SUPT3H: variants seen among roughly 807,000 people sequenced by gnomAD.
SUPT3H encodes SPT3 homolog, SAGA and STAGA complex component, also known as transcription initiation protein SPT3 homolog.
SUPT3H carries 44 observed loss-of-function variants against 44.3 expected under a neutral mutation model. The observed-to-expected ratio is 0.99, with a 90% CI of 0.78 to 1.28. The LOEUF is 1.28. Among genes scored for constraint, SUPT3H ranks in the 50% most tolerant of loss-of-function variants. SUPT3H has a pLI of 0.00. For missense variants in SUPT3H, 380 were observed against 387.1 expected (o/e 0.98, Z 0.15); for synonymous variants, 124 against 125.6 (o/e 0.99, Z 0.09).
At chr6:45,288,063 T>G (rs1008884097) in intron 2 of SUPT3H, among the ~76,000 whole-genome samples, 12 of 152,166 alleles carry the variant, frequency 7.9e-5, no homozygotes, top group Non-Finnish European at 1.2e-4. Flanking sequence ...TTGATGCACC[T>G]ATTTCTTACT....
intron 2 of SUPT3H, among the ~76,000 whole-genome samples, chr6:45,157,304 C>G (rs1171706515): frequency 6.6e-6 from 1 of 151,786 alleles, no homozygotes; most frequent in Non-Finnish European, 1.5e-5. Context: ...GAACCAACCT[C>G]CAAAAATCAA....
chr6:44,992,342 A>G (rs116732074), intron 6 of SUPT3H, among the ~76,000 whole-genome samples: 2,672 of 152,294 alleles, frequency 0.018, 52 homozygotes, highest in South Asian at 0.086. Context: ...AGGCAAGACT[A>G]AAAACAGCAG....
intron 2 of SUPT3H, among the ~76,000 whole-genome samples, chr6:45,275,661 A>T (rs1449479086): frequency 6.6e-6 from 1 of 152,194 alleles, no homozygotes; most frequent in Non-Finnish European, 1.5e-5. Context: ...AGTTAATAGT[A>T]TGATAAAACA....
chr6:45,342,015 G>A (rs1418890650), intron 2 of SUPT3H, among the ~76,000 whole-genome samples: 1 of 151,900 alleles, frequency 6.6e-6, no homozygotes, highest in Non-Finnish European at 1.5e-5. Context: ...AAAAAACGGA[G>A]ACTGGACTGA....
intron 2 of SUPT3H, among the ~76,000 whole-genome samples, chr6:45,263,595 C>T (rs1287923905): frequency 6.6e-6 from 1 of 151,984 alleles, no homozygotes; most frequent in Non-Finnish European, 1.5e-5. Context: ...GCAATTTACC[C>T]ACGTAACAAA....
At chr6:45,278,679 A>G (rs1777430580) in intron 2 of SUPT3H, among the ~76,000 whole-genome samples, 1 of 152,238 alleles carries the variant, frequency 6.6e-6, no homozygotes, top group East Asian at 1.9e-4. Context: ...ATTGCAAAAG[A>G]ATTAATGATT....
At chr6:45,349,899 C>G (rs1791666309) in intron 2 of SUPT3H, among the ~76,000 whole-genome samples, 1 of 152,068 alleles carries the variant, frequency 6.6e-6, no homozygotes, top group Non-Finnish European at 1.5e-5. Flanking sequence ...ATAAAAAGAT[C>G]TTTGCTTCAG....
chr6:45,265,609 T>C (rs1333640988), intron 2 of SUPT3H, among the ~76,000 whole-genome samples: 1 of 152,116 alleles, frequency 6.6e-6, no homozygotes, highest in Admixed American at 6.6e-5. Context: ...CTAGTACTTT[T>C]GAAAAATCCT....
At chr6:45,245,811 T>G (rs892316607) in intron 2 of SUPT3H, among the ~76,000 whole-genome samples, 1 of 152,118 alleles carries the variant, frequency 6.6e-6, no homozygotes, top group African/African-American at 2.4e-5. Flanking sequence ...AGAAATACAA[T>G]AGCTGGATCA....
chr6:44,839,391 A>G (rs1481383602), intron 10 of SUPT3H, among the ~76,000 whole-genome samples: 1 of 151,634 alleles, frequency 6.6e-6, no homozygotes, highest in Non-Finnish European at 1.5e-5. Flanking sequence ...ATGAAGCCCC[A>G]ATCTCCCACA....
chr6:44,950,026 A>C (rs1774035704), intron 9 of SUPT3H, among the ~76,000 whole-genome samples: 1 of 152,230 alleles, frequency 6.6e-6, no homozygotes, highest in Non-Finnish European at 1.5e-5. Flanking sequence ...GAAACTGGTG[A>C]CAGTCCAGAT....
In SUPT3H at chr6:44,953,370, T is replaced by C; in HGVS notation, c.741A>G (p.Ala247=). Residue 247 remains alanine (A), a synonymous_variant, in exon 9 of 11, where the codon GCA becomes GCG. Transcript: ENST00000371459. ...LLVRQDMVTK[A]GDPFSHAISA... ...AAATGGCATGGCTGAAGGGGTCCCCTGCCTTGGTTACCATGTCTTGCCTCA... is the reference window on the plus strand; with the variant it reads ...AAATGGCATGGCTGAAGGGGTCCCCCGCCTTGGTTACCATGTCTTGCCTCA... The C allele has an allele frequency of 1.9e-6, 3 of 1,614,142 alleles. No homozygotes were observed. The highest frequency in any genetic ancestry group is 2.5e-6 in the Non-Finnish European group (3 of 1,179,994).
chr6:45,162,720 C>CA (rs1809217396), intron 2 of SUPT3H, among the ~76,000 whole-genome samples: 1 of 152,102 alleles, frequency 6.6e-6, no homozygotes, highest in Non-Finnish European at 1.5e-5. Flanking sequence ...GAAGAGACTT[C>CA]AAGTCCCTTA....
intron 3 of SUPT3H, among the ~76,000 whole-genome samples, chr6:45,042,793 C>T (rs1006142383): frequency 1.7e-4 from 22 of 129,932 alleles, no homozygotes; most frequent in African/African-American, 6.6e-4. Flanking sequence ...AAGACACATG[C>T]ACATGTATGT....
chr6:45,304,204 CTAA>C (rs1238725204), intron 2 of SUPT3H, among the ~76,000 whole-genome samples: 3 of 151,974 alleles, frequency 2.0e-5, no homozygotes, highest in African/African-American at 7.3e-5. Flanking sequence ...ACAGCAATAT[CTAA>C]TAATTATATT....
chr6:45,240,244 G>A (rs1435394455), intron 2 of SUPT3H, among the ~76,000 whole-genome samples: 1 of 152,148 alleles, frequency 6.6e-6, no homozygotes, highest in Non-Finnish European at 1.5e-5. Flanking sequence ...GACCCCAGCT[G>A]TCACAGATGG....
At chr6:45,239,956 T>C (rs771060753) in intron 2 of SUPT3H, among the ~76,000 whole-genome samples, 3 of 152,238 alleles carry the variant, frequency 2.0e-5, no homozygotes, top group Admixed American at 6.5e-5. Flanking sequence ...GGCCAGATGC[T>C]ATCAGCAGCT....
intron 3 of SUPT3H, among the ~76,000 whole-genome samples, chr6:45,092,717 T>C (rs1225964087): frequency 7.4e-6 from 1 of 136,044 alleles, no homozygotes; most frequent in East Asian, 2.2e-4. Flanking sequence ...GCCATCGCAC[T>C]CCAGCCTGGG....
intron 3 of SUPT3H, among the ~76,000 whole-genome samples, chr6:45,031,325 G>A (rs376108334): frequency 6.6e-6 from 1 of 152,038 alleles, no homozygotes; most frequent in East Asian, 1.9e-4. Context: ...GTATATATGT[G>A]TGATATTTTT....
Sources: gnomAD v4.1 joint callset for allele counts (sites outside exome capture counted in the v4.1 genomes callset) on GRCh38, gnomAD v4.1.1 for gene constraint, MANE v1.5 for transcripts, NCBI Gene and HGNC (gene_info 2026-07-23, HGNC 2026-07-21) for gene names.